DPY19L1: variants seen among roughly 807,000 people sequenced by gnomAD.
DPY19L1 encodes protein C-mannosyl-transferase DPY19L1.
Under a neutral mutation model 96.9 loss-of-function variants are expected in DPY19L1, and 35 were observed. The ratio of observed to expected loss-of-function variants is 0.36; its 90% CI spans 0.28 to 0.48. The LOEUF (loss-of-function observed/expected upper bound fraction) is 0.48. Among genes scored for constraint, DPY19L1 ranks in the 20% least tolerant of loss-of-function variants. The pLI, the probability that DPY19L1 is intolerant of heterozygous loss-of-function variation, is 0.99. For missense variants in DPY19L1, 521 were observed against 777.9 expected, an observed-to-expected ratio of 0.67 and a Z score of 3.93; for synonymous variants, 205 against 252.6, an observed-to-expected ratio of 0.81 and a Z score of 1.79.
intron 1 of DPY19L1, among the ~76,000 whole-genome samples, chr7:35,021,687 T>C (rs1423848720): frequency 6.6e-6 from 1 of 152,122 alleles, no homozygotes; most frequent in Non-Finnish European, 1.5e-5. Context: ...GCACACCAAG[T>C]AAACCCAGTA....
intron 12 of DPY19L1, 72 bp downstream of exon 12, chr7:34,955,236 A>T: frequency 6.5e-7 from 1 of 1,534,626 alleles, no homozygotes; most frequent in Non-Finnish European, 8.9e-7. Context: ...ATTTTCTTAA[A>T]AGTAAAACAT....
At chr7:34,984,663 A>G (rs1384871110) in intron 7 of DPY19L1, among the ~76,000 whole-genome samples, 1 of 152,228 alleles carries the variant, frequency 6.6e-6, no homozygotes, top group African/African-American at 2.4e-5. Flanking sequence ...ACCAGTGAAT[A>G]GCCTTCATAA....
At chr7:35,007,257 G>C (rs895697023) in intron 6 of DPY19L1, among the ~76,000 whole-genome samples, 7 of 152,174 alleles carry the variant, frequency 4.6e-5, no homozygotes, top group Non-Finnish European at 7.4e-5. Flanking sequence ...CCTTTGAATA[G>C]AGCTAAAGAG....
chr7:34,932,969 C>T (rs1235258515), intron 21 of DPY19L1, among the ~76,000 whole-genome samples: 1 of 152,158 alleles, frequency 6.6e-6, no homozygotes, highest in African/African-American at 2.4e-5. Flanking sequence ...GTATGTACAT[C>T]ATTTTCCCTT....
intron 6 of DPY19L1, among the ~76,000 whole-genome samples, chr7:35,004,588 A>T (rs1785507987): frequency 1.3e-5 from 2 of 152,244 alleles, no homozygotes; most frequent in African/African-American, 2.4e-5. Context: ...TCATTTTACT[A>T]ATCTTTAAAC....
At chr7:34,971,550 T>C (rs1400398356) in intron 8 of DPY19L1, among the ~76,000 whole-genome samples, 1 of 152,156 alleles carries the variant, frequency 6.6e-6, no homozygotes, top group East Asian at 1.9e-4. Context: ...CAGCTTCAGA[T>C]GGCCTGGAAT....
In DPY19L1 at chr7:34,958,007, C is replaced by T; in HGVS notation, c.1156G>A (p.Ala386Thr). The T allele has an allele frequency of 6.3e-7, 1 of 1,582,132 alleles. No homozygotes were observed. The highest frequency in any genetic ancestry group is 8.6e-7 in the Non-Finnish European group (1 of 1,167,832). Residue 386 changes from alanine to threonine, a missense_variant, in exon 11 of 22, where the codon GCT (alanine) becomes ACT (threonine). Physicochemically the swap from Ala to Thr is moderately conservative, Grantham distance 58 (BLOSUM62 0). Transcript: ENST00000638088. ...ACCCAAATAATTACCAAAGAAGAAG[C>T]ATAATAAGAAGTTAATAACATTGAG... ...GNSMLLTSYY[A>T]SSLVIIWGIL...
At chr7:34,948,765 T>C (rs573310446) in intron 14 of DPY19L1, among the ~76,000 whole-genome samples, 5 of 152,356 alleles carry the variant, frequency 3.3e-5, no homozygotes, top group South Asian at 2.1e-4. Flanking sequence ...CCTTTGTTTG[T>C]TTCAGCAGGT....
At chr7:34,982,387 CTG>C (rs1316736944) in intron 7 of DPY19L1, among the ~76,000 whole-genome samples, 2 of 152,128 alleles carry the variant, frequency 1.3e-5, no homozygotes, top group African/African-American at 4.8e-5. Flanking sequence ...AGAAAAATGT[CTG>C]TGTCAGTGTT....
chr7:35,030,910 A>G (rs978905735), intron 1 of DPY19L1, among the ~76,000 whole-genome samples: 14 of 152,146 alleles, frequency 9.2e-5, no homozygotes, highest in African/African-American at 3.4e-4. Context: ...TATAGACGTA[A>G]TTTTTACTAG....
At chr7:34,991,491 C>A (rs896234089) in intron 6 of DPY19L1, among the ~76,000 whole-genome samples, 52 of 152,162 alleles carry the variant, frequency 3.4e-4, no homozygotes, top group African/African-American at 1.2e-3. Context: ...GGGTTCTCTC[C>A]TGAAAGGTGT....
chr7:34,952,782 C>G (rs1386604522), intron 13 of DPY19L1, among the ~76,000 whole-genome samples: 1 of 151,996 alleles, frequency 6.6e-6, no homozygotes, highest in Non-Finnish European at 1.5e-5. Context: ...AAACTGGTAA[C>G]TCCCATTCTC....
intron 8 of DPY19L1, among the ~76,000 whole-genome samples, chr7:34,970,656 T>C (rs1171603797): frequency 2.0e-5 from 3 of 152,156 alleles, no homozygotes; most frequent in Non-Finnish European, 4.4e-5. Flanking sequence ...ATACTAAATA[T>C]GATTTTCATT....
At chr7:34,997,273 T>C (rs1785307840) in intron 6 of DPY19L1, among the ~76,000 whole-genome samples, 1 of 150,584 alleles carries the variant, frequency 6.6e-6, no homozygotes, top group African/African-American at 2.4e-5. Flanking sequence ...AAAGATATGT[T>C]AGCAGGCCAA....
At chr7:34,934,479 T>G (rs1330848954) in intron 21 of DPY19L1, among the ~76,000 whole-genome samples, 1 of 152,232 alleles carries the variant, frequency 6.6e-6, no homozygotes, top group East Asian at 1.9e-4. Context: ...ATACTTTAAT[T>G]GTTTCCCATT....
rs143672444 is a variant in DPY19L1 at position 35,026,802 on chromosome 7, T to A, written c.299-8206A>T. On this transcript the variant is annotated intron_variant, in intron 1 of 21. Transcript: ENST00000638088. ...AGGGAAAGAACTCAAATTCTTTTAC[T>A]TCCCTCGTAAGAAAGTCATTCTTAA... 2.2e-3 allele frequency among the ~76,000 whole-genome samples: 331 copies of A among 152,282 alleles called. 2 individuals carry two copies. The highest frequency in any genetic ancestry group is 7.5e-3 in the African/African-American group (310 of 41,544).
At chr7:35,004,118 C>A (rs1785495558) in intron 6 of DPY19L1, among the ~76,000 whole-genome samples, 1 of 152,164 alleles carries the variant, frequency 6.6e-6, no homozygotes, top group Non-Finnish European at 1.5e-5. Flanking sequence ...TCACATCTCA[C>A]GTATACCATT....
chr7:34,986,636 A>G (rs1490196861), intron 7 of DPY19L1, among the ~76,000 whole-genome samples: 2 of 152,022 alleles, frequency 1.3e-5, no homozygotes, highest in Non-Finnish European at 2.9e-5. Context: ...TATAAATGGC[A>G]TAACTATTTC....
At chr7:34,993,877 T>C (rs1785226388) in intron 6 of DPY19L1, among the ~76,000 whole-genome samples, 1 of 151,244 alleles carries the variant, frequency 6.6e-6, no homozygotes, top group South Asian at 2.1e-4. Context: ...CTGCCCAACA[T>C]GATGAAACAC....
Sources: allele counts gnomAD v4.1 joint callset (sites outside exome capture counted in the v4.1 genomes callset), GRCh38; gene constraint gnomAD v4.1.1; transcripts MANE v1.5; gene names NCBI Gene and HGNC (gene_info 2026-07-23, HGNC 2026-07-21).